The following CDKAL1 variants were observed in gnomAD, a reference collection of about 807,000 sequenced individuals.
The protein encoded by CDKAL1 is threonylcarbamoyladenosine tRNA methylthiotransferase.
Under a neutral mutation model 68.2 loss-of-function variants are expected in CDKAL1, and 32 were observed. The observed-to-expected ratio is 0.47, with a 90% CI of 0.35 to 0.63. The LOEUF (loss-of-function observed/expected upper bound fraction) is 0.63, where lower values mean the gene tolerates loss of function less well. Among genes scored for constraint, CDKAL1 ranks in the 30% least tolerant of loss-of-function variants. The probability of loss-of-function intolerance (pLI) is 0.00; values close to 1 mark genes in which losing one functional copy is unlikely to be tolerated. For synonymous variants in CDKAL1, 234 were observed against 244.3 expected, an observed-to-expected ratio of 0.96 and a Z score of 0.39; for missense variants, 606 against 696.7, an observed-to-expected ratio of 0.87 and a Z score of 1.47.
chr6:20,934,639 G>A lies in CDKAL1; in HGVS notation c.743-20780G>A, dbSNP rs1474724398. Among the ~76,000 whole-genome samples the A allele has an allele frequency of 2.6e-5, 4 of 151,976 alleles. No individual in the cohort carries two copies. In the East Asian group the frequency reaches 7.8e-4, roughly 29 times the overall value. On this transcript the variant is annotated intron_variant, in intron 9 of 15. Transcript: ENST00000274695. Reference sequence around the variant, plus strand: ...ACAGAAGGAACACTTGAGCCCAGGAGTTCAAGACCAGGCATGGCAACGTAG... The same window carrying A: ...ACAGAAGGAACACTTGAGCCCAGGAATTCAAGACCAGGCATGGCAACGTAG...
At chr6:20,863,071 A>G (rs1254597509) in intron 9 of CDKAL1, among the ~76,000 whole-genome samples, 1 of 152,180 alleles carries the variant, frequency 6.6e-6, no homozygotes, top group Non-Finnish European at 1.5e-5. Context: ...GCATATTTAT[A>G]AAGTGCATAC....
chr6:20,820,464 A>G (rs75892820), intron 8 of CDKAL1, among the ~76,000 whole-genome samples: 3,902 of 152,206 alleles, frequency 0.026, 133 homozygotes, highest in African/African-American at 0.081. Context: ...TAAGTAATTT[A>G]TTTGCTTAAG....
chr6:20,645,782 TATTTA>T (rs1768424781), intron 4 of CDKAL1, among the ~76,000 whole-genome samples: 2 of 150,158 alleles, frequency 1.3e-5, no homozygotes, highest in Admixed American at 6.7e-5. Context: ...TTATTTTATT[TATTTA>T]TTTTATTTTT....
rs1777072382 is a variant in CDKAL1 at position 21,164,602 on chromosome 6, C to T, written c.1300-33419C>T. ...CCTAATATTGCTAGCCAGGTAAAAT[C>T]CATCCATGATGGTCAAGTGTAAACT... On this transcript the variant is annotated intron_variant, in intron 13 of 15. Transcript: ENST00000274695. Among the ~76,000 whole-genome samples the T allele has an allele frequency of 2.6e-5, 4 of 152,174 alleles. No individual in the cohort carries two copies. The South Asian group carries it at 8.3e-4, about 32-fold the overall frequency.
At chr6:20,863,359 A>G (rs1759745919) in intron 9 of CDKAL1, among the ~76,000 whole-genome samples, 1 of 152,198 alleles carries the variant, frequency 6.6e-6, no homozygotes, top group South Asian at 2.1e-4. Context: ...AGTGCTTACT[A>G]GATTTAGACA....
intron 12 of CDKAL1, among the ~76,000 whole-genome samples, chr6:21,075,595 A>G (rs989784069): frequency 4.6e-5 from 7 of 152,182 alleles, no homozygotes; most frequent in Non-Finnish European, 1.0e-4. Context: ...AGACTATAAT[A>G]TATAAGCGAT....
intron 4 of CDKAL1, among the ~76,000 whole-genome samples, chr6:20,551,491 T>C (rs1367482658): frequency 2.6e-5 from 4 of 151,044 alleles, no homozygotes; most frequent in African/African-American, 9.7e-5. Context: ...CCTCAGCCTC[T>C]CGAGTAGCTG....
At chr6:20,717,329 T>A (rs768119695) in intron 5 of CDKAL1, among the ~76,000 whole-genome samples, 17 of 151,778 alleles carry the variant, frequency 1.1e-4, no homozygotes, top group Non-Finnish European at 1.9e-4. Flanking sequence ...TTGAGTCTGA[T>A]CCATTATAGA....
intron 9 of CDKAL1, among the ~76,000 whole-genome samples, chr6:20,940,680 G>A (rs941128772): frequency 2.6e-5 from 4 of 152,138 alleles, no homozygotes; most frequent in African/African-American, 9.7e-5. Context: ...TAGGACTACA[G>A]GCATGTACCA....
chr6:20,767,984 A>G (rs901162398), intron 7 of CDKAL1, among the ~76,000 whole-genome samples: 1 of 152,208 alleles, frequency 6.6e-6, no homozygotes, highest in Non-Finnish European at 1.5e-5. Context: ...CAGTACTACC[A>G]TTTTATAACT....
chr6:20,597,644 G>A (rs1270301083), intron 4 of CDKAL1, among the ~76,000 whole-genome samples: 1 of 149,686 alleles, frequency 6.7e-6, no homozygotes, highest in East Asian at 2.0e-4. Flanking sequence ...CAAACTCCTG[G>A]CCTCAAGCAA....
chr6:20,580,848 G>A (rs146873861), intron 4 of CDKAL1, among the ~76,000 whole-genome samples: 2 of 151,940 alleles, frequency 1.3e-5, no homozygotes, highest in East Asian at 3.9e-4. Context: ...GAAGTGCAAT[G>A]GTGCGATCTC....
intron 7 of CDKAL1, 74 bp from the exon 8 acceptor site, chr6:20,781,071 C>T: frequency 1.4e-6 from 2 of 1,430,498 alleles, no homozygotes; most frequent in South Asian, 2.6e-5. Flanking sequence ...TAAATGAACA[C>T]ATTTGTTGAA....
chr6:20,985,766 GCATTC>G (rs1766419409), intron 10 of CDKAL1, among the ~76,000 whole-genome samples: 1 of 151,524 alleles, frequency 6.6e-6, no homozygotes, highest in Non-Finnish European at 1.5e-5. Context: ...TCATGCCACT[GCATTC>G]CAACCTGGAT....
intron 11 of CDKAL1, among the ~76,000 whole-genome samples, chr6:21,017,088 A>C (rs16884385): frequency 6.6e-6 from 1 of 152,234 alleles, no homozygotes; most frequent in Non-Finnish European, 1.5e-5. Flanking sequence ...GGAATTATGC[A>C]AAGTATTTTA....
chr6:21,036,832 G>C (rs1184079742), intron 11 of CDKAL1, among the ~76,000 whole-genome samples: 1 of 152,168 alleles, frequency 6.6e-6, no homozygotes, highest in Non-Finnish European at 1.5e-5. Context: ...GGTGACATCT[G>C]TCAATTCATC....
chr6:20,798,844 A>C (rs1434313942), intron 8 of CDKAL1, among the ~76,000 whole-genome samples: 2 of 150,556 alleles, frequency 1.3e-5, no homozygotes, highest in Non-Finnish European at 3.0e-5. Flanking sequence ...GCACACCAAC[A>C]TGGCACATGT....
At position 21,089,501 on chromosome 6, in the gene CDKAL1, T is replaced by C. The variant is rs112008639; in HGVS notation, c.1237-18900T>C. ...CTAGAAAAAAAAACAAAAGTGCAAA[T>C]AGCAAATTAAAATAGGCATACATAA... On this transcript the variant is annotated intron_variant, in intron 12 of 15. Coordinates refer to ENST00000274695, the MANE Select transcript of CDKAL1 (RefSeq NM_017774.3). 7.3e-3 allele frequency among the ~76,000 whole-genome samples: 1,108 copies of C among 151,746 alleles called. 13 individuals carry two copies. The highest frequency in any genetic ancestry group is 0.025 in the African/African-American group (1,017 of 41,390).
chr6:20,642,712 A>G lies in CDKAL1; in HGVS notation c.287-6581A>G, dbSNP rs569801038. The stretch of plus-strand genomic sequence containing the variant: ...TGTGGAGAAGAATTTTACAGTATGT[A>G]ATGGAATTTCATGAGAATTTATCCT... On this transcript the variant is annotated intron_variant, in intron 4 of 15. Coordinates refer to ENST00000274695, the MANE Select transcript of CDKAL1 (RefSeq NM_017774.3). 2.1e-4 allele frequency among the ~76,000 whole-genome samples: 32 copies of G among 152,270 alleles called. No homozygotes were observed. In the South Asian group the frequency reaches 6.6e-3, roughly 32 times the overall value.
Sources: allele counts gnomAD v4.1 joint callset (sites outside exome capture counted in the v4.1 genomes callset), GRCh38; gene constraint gnomAD v4.1.1; transcripts MANE v1.5; gene names NCBI Gene and HGNC (gene_info 2026-07-23, HGNC 2026-07-21).